ANKIB1: variants seen among roughly 807,000 people sequenced by gnomAD.
The protein encoded by ANKIB1 is ankyrin repeat and IBR domain-containing protein 1.
In ANKIB1, 43 loss-of-function variants were observed where a neutral mutation model predicts 122.1. The ratio of observed to expected loss-of-function variants is 0.35; its 90% CI spans 0.28 to 0.45. The LOEUF is 0.45. Ranked by LOEUF, ANKIB1 falls within the 20% of genes least tolerant of loss-of-function variation. The pLI is 1.00. For synonymous variants in ANKIB1, 390 were observed against 442.0 expected, an observed-to-expected ratio of 0.88 and a Z score of 1.48; for missense variants, 992 against 1,329.5, an observed-to-expected ratio of 0.75 and a Z score of 3.95.
At chr7:92,395,695 G>A (rs181694450) in intron 17 of ANKIB1, among the ~76,000 whole-genome samples, 145 of 151,704 alleles carry the variant, frequency 9.6e-4, no homozygotes, top group African/African-American at 3.2e-3. Context: ...CCACCACCAC[G>A]CCCGGCTAAT....
intron 1 of ANKIB1, among the ~76,000 whole-genome samples, chr7:92,253,595 C>A (rs1280601131): frequency 1.3e-5 from 2 of 152,174 alleles, no homozygotes. Context: ...AATTTACAAA[C>A]ATACATATAT....
chr7:92,294,601 G>A, intron 1 of ANKIB1: 1 of 294,852 alleles, frequency 3.4e-6, no homozygotes. Context: ...CATGTGAAGA[G>A]GAAAATTGAA....
chr7:92,333,230 T>C (rs1803212350), intron 5 of ANKIB1, among the ~76,000 whole-genome samples: 1 of 152,212 alleles, frequency 6.6e-6, no homozygotes, highest in Admixed American at 6.5e-5. Flanking sequence ...ATTGACTGCC[T>C]ATCACTCCTA....
chr7:92,379,968 G>T (rs1178441500), intron 11 of ANKIB1, among the ~76,000 whole-genome samples: 1 of 152,128 alleles, frequency 6.6e-6, no homozygotes, highest in Non-Finnish European at 1.5e-5. Flanking sequence ...AGCATAAAGG[G>T]TTGGGGGATT....
Position 92,399,125 on chromosome 7 carries a change from A to G in ANKIB1, c.*176A>G, listed in dbSNP as rs10946. ...GCTTCATTTTTTATTTTAACCTTAC[A>G]GGGAATTTCCTTTGTACTTAATTGA... On this transcript the variant is annotated 3_prime_UTR_variant, in exon 20 of 20. Transcript: ENST00000265742. The G allele has an allele frequency of 4.8e-6, 3 of 619,882 alleles. No individual in the cohort carries two copies. The highest frequency in any genetic ancestry group is 6.7e-5 in the East Asian group (2 of 30,052). The allele number at this position is 619,882 out of a possible 1,614,324, so 38.4% of individuals were successfully genotyped here.
intron 10 of ANKIB1, among the ~76,000 whole-genome samples, chr7:92,365,091 A>G (rs1479125266): frequency 1.3e-5 from 2 of 152,218 alleles, no homozygotes; most frequent in African/African-American, 4.8e-5. Context: ...TCATTATTTA[A>G]TTAACGTTTA....
intron 3 of ANKIB1, 149 bp from the exon 4 acceptor site, chr7:92,319,181 C>A (rs1802853939): frequency 2.4e-6 from 1 of 421,064 alleles, no homozygotes; most frequent in Non-Finnish European, 4.0e-6. Flanking sequence ...TATCTAAATA[C>A]CTTTTTTTTT....
chr7:92,290,516 A>G (rs1455950159), intron 1 of ANKIB1, among the ~76,000 whole-genome samples: 1 of 151,912 alleles, frequency 6.6e-6, no homozygotes, highest in African/African-American at 2.4e-5. Context: ...GCAGAAGACT[A>G]AATTGAGTAT....
intron 5 of ANKIB1, among the ~76,000 whole-genome samples, chr7:92,329,769 A>T (rs150799582): frequency 1.6e-3 from 243 of 152,148 alleles, no homozygotes; most frequent in African/African-American, 5.6e-3. Context: ...TCTCTTTCTA[A>T]TTATCTTTCA....
At chr7:92,389,528 G>C (rs185021342) in intron 14 of ANKIB1, among the ~76,000 whole-genome samples, 1 of 151,756 alleles carries the variant, frequency 6.6e-6, no homozygotes, top group Non-Finnish European at 1.5e-5. Context: ...TTTTCCTTAC[G>C]GTATTGGTTT....
In ANKIB1 at chr7:92,307,577, C is replaced by T. The variant is rs1173448034; in HGVS notation, c.407C>T (p.Ala136Val). The T allele has an allele frequency of 3.1e-6, 5 of 1,613,306 alleles. No individual in the cohort carries two copies. ...CTTGACCAGGGTGAATATGAGAGAG[C>T]AGCTATTGATGCTGTTGATAACAAA... ...AKLDQGEYER[A>V]AIDAVDNKKN... The change falls in exon 3 of 20, where the codon GCA becomes GTA. Residue 136 changes from alanine (A) to valine (V), a missense_variant. Around this residue, in one of 4 missense-constraint regions of ANKIB1, gnomAD observed 521 missense variants for 777.7 expected, o/e 0.67. Coordinates refer to ENST00000265742, the MANE Select transcript of ANKIB1 (RefSeq NM_019004.2).
intron 17 of ANKIB1, among the ~76,000 whole-genome samples, chr7:92,392,879 G>A (rs1804816060): frequency 6.6e-6 from 1 of 152,016 alleles, no homozygotes; most frequent in Admixed American, 6.6e-5. Flanking sequence ...ACAGATAGCA[G>A]TTGTGGCAAA....
chr7:92,305,889 A>C (rs980435893), intron 2 of ANKIB1, among the ~76,000 whole-genome samples: 1 of 152,192 alleles, frequency 6.6e-6, no homozygotes, highest in Admixed American at 6.5e-5. Flanking sequence ...ATGTATTTAC[A>C]TTTGCAGGGA....
chr7:92,280,888 G>A (rs1273343750), intron 1 of ANKIB1, among the ~76,000 whole-genome samples: 3 of 152,164 alleles, frequency 2.0e-5, no homozygotes, highest in African/African-American at 7.2e-5. Flanking sequence ...CAGTGCATTT[G>A]CCATATTTTA....
At chr7:92,284,973 C>T (rs887518422) in intron 1 of ANKIB1, among the ~76,000 whole-genome samples, 3 of 152,154 alleles carry the variant, frequency 2.0e-5, no homozygotes, top group African/African-American at 7.2e-5. Context: ...AGGTATCTAG[C>T]GTAGAAGGTA....
chr7:92,246,118 G>T lies in ANKIB1; in HGVS notation c.-492G>T. On this transcript the variant is annotated 5_prime_UTR_variant, in exon 1 of 20. Coordinates refer to ENST00000265742, the MANE Select transcript of ANKIB1 (RefSeq NM_019004.2). ...GCCGGAGCCGGAGCCGGAGGCGGGG[G>T]AGGGGAAGAGGGCGGCCGGGGCTGC... 3.5e-6 allele frequency: 1 copy of T among 285,642 alleles called. No individual in the cohort carries two copies. The highest frequency in any genetic ancestry group is 2.7e-5 in the South Asian group (1 of 37,562). 17.7% of individuals were successfully genotyped at this position (285,642 alleles called of 1,614,324 possible). A position where few individuals can be genotyped will look rare whatever the true frequency, so the allele number is the denominator to read the frequency against.
At chr7:92,302,575 G>T (rs1802480093) in intron 2 of ANKIB1, among the ~76,000 whole-genome samples, 1 of 152,158 alleles carries the variant, frequency 6.6e-6, no homozygotes, top group South Asian at 2.1e-4. Context: ...TGGAGTCAGT[G>T]TGTTCTAATT....
At chr7:92,347,909 A>T (rs950746364) in intron 7 of ANKIB1, 1 of 395,598 alleles carries the variant, frequency 2.5e-6, no homozygotes, top group African/African-American at 2.1e-5. Flanking sequence ...GCATATAGTA[A>T]TCGTTCAATA....
chr7:92,393,408 T>G (rs1041476305), intron 17 of ANKIB1, among the ~76,000 whole-genome samples: 11 of 152,114 alleles, frequency 7.2e-5, no homozygotes, highest in Non-Finnish European at 2.9e-5. Context: ...GATCCTGTAT[T>G]TATTATTTCA....
Sources: allele counts gnomAD v4.1 joint callset (sites outside exome capture counted in the v4.1 genomes callset), GRCh38; gene constraint gnomAD v4.1.1; regional missense constraint gnomAD v4.1.1; transcripts MANE v1.5; gene names NCBI Gene and HGNC (gene_info 2026-07-23, HGNC 2026-07-21).